The following ASTN2 variants were observed in gnomAD, a reference collection of about 807,000 sequenced individuals.
The protein encoded by ASTN2 is astrotactin-2.
ASTN2 carries 54 observed loss-of-function variants against 139.8 expected under a neutral mutation model. That is an observed-to-expected ratio of 0.39 (90% CI 0.31 to 0.48). The LOEUF (loss-of-function observed/expected upper bound fraction) is 0.48. Among genes scored for constraint, ASTN2 ranks in the 20% least tolerant of loss-of-function variants. The pLI, the probability that ASTN2 is intolerant of heterozygous loss-of-function variation, is 0.95. For synonymous variants in ASTN2, 756 were observed against 719.5 expected, an observed-to-expected ratio of 1.05 and a Z score of -0.81; for missense variants, 1,565 against 1,725.1, an observed-to-expected ratio of 0.91 and a Z score of 1.64.
chr9:117,191,090 T>A (rs1831335676), intron 3 of ASTN2, among the ~76,000 whole-genome samples: 1 of 152,090 alleles, frequency 6.6e-6, no homozygotes, highest in African/African-American at 2.4e-5. Flanking sequence ...GAGCTAAACA[T>A]GTATCAAGAA....
At chr9:116,940,998 T>G (rs1170427333) in intron 10 of ASTN2, among the ~76,000 whole-genome samples, 1 of 152,222 alleles carries the variant, frequency 6.6e-6, no homozygotes, top group African/African-American at 2.4e-5. Flanking sequence ...TTTACAGGTT[T>G]GAAGCCTAGG....
At chr9:117,177,719 A>G (rs1830952067) in intron 3 of ASTN2, among the ~76,000 whole-genome samples, 1 of 152,212 alleles carries the variant, frequency 6.6e-6, no homozygotes, top group South Asian at 2.1e-4. Flanking sequence ...TAATTAACAT[A>G]GTAGGAGTGC....
At chr9:117,094,687 C>A (rs1320575645) in intron 5 of ASTN2, among the ~76,000 whole-genome samples, 1 of 152,130 alleles carries the variant, frequency 6.6e-6, no homozygotes, top group Non-Finnish European at 1.5e-5. Flanking sequence ...TGGAAACACT[C>A]CTCCCACGTG....
At chr9:117,413,460 G>T (rs554979278) in intron 1 of ASTN2, among the ~76,000 whole-genome samples, 58 of 152,330 alleles carry the variant, frequency 3.8e-4, no homozygotes, top group African/African-American at 1.3e-3. Context: ...AAGGCCCCGC[G>T]CCCCCAAGAG....
chr9:116,915,774 A>G (rs1193411066), intron 10 of ASTN2, among the ~76,000 whole-genome samples: 1 of 152,212 alleles, frequency 6.6e-6, no homozygotes, highest in East Asian at 1.9e-4. Flanking sequence ...GTACTTCTTC[A>G]TCTGTCTGTT....
intron 19 of ASTN2, among the ~76,000 whole-genome samples, chr9:116,510,294 T>C (rs1340045616): frequency 6.6e-6 from 1 of 152,216 alleles, no homozygotes; most frequent in Non-Finnish European, 1.5e-5. Flanking sequence ...TCTTGTCAGG[T>C]TTGTCAAAGA....
At chr9:117,339,299 C>T (rs1169885788) in intron 1 of ASTN2, among the ~76,000 whole-genome samples, 2 of 152,176 alleles carry the variant, frequency 1.3e-5, no homozygotes, top group Non-Finnish European at 1.5e-5. Flanking sequence ...TCCACGAGCG[C>T]TCTTTCCACT....
intron 3 of ASTN2, among the ~76,000 whole-genome samples, chr9:117,155,887 C>A (rs1407059291): frequency 6.6e-6 from 1 of 151,984 alleles, no homozygotes; most frequent in African/African-American, 2.4e-5. Context: ...AGTAAGGTGA[C>A]CACTAAAGTC....
chr9:116,565,257 C>CACACACAT (rs1050436372), intron 19 of ASTN2, among the ~76,000 whole-genome samples: 1 of 126,742 alleles, frequency 7.9e-6, no homozygotes, highest in African/African-American at 3.7e-5. Flanking sequence ...CACACACACA[C>CACACACAT]ATATGCCCCA....
chr9:117,019,737 G>A (rs1837818418), intron 6 of ASTN2, among the ~76,000 whole-genome samples: 1 of 152,060 alleles, frequency 6.6e-6, no homozygotes, highest in Admixed American at 6.6e-5. Flanking sequence ...TAGTCTGAAG[G>A]AGCCAGTCCC....
intron 13 of ASTN2, among the ~76,000 whole-genome samples, chr9:116,794,317 C>T (rs967266986): frequency 1.3e-5 from 2 of 152,048 alleles, no homozygotes; most frequent in South Asian, 2.1e-4. Flanking sequence ...AGGCTGGTCT[C>T]GAACTCCTGA....
chr9:116,861,526 T>C (rs1038271312), intron 11 of ASTN2, among the ~76,000 whole-genome samples: 39 of 152,204 alleles, frequency 2.6e-4, no homozygotes, highest in South Asian at 6.2e-4. Context: ...TAGGTTTCAA[T>C]GGTCTGAGGC....
chr9:117,270,744 A>G (rs1304152503), intron 2 of ASTN2, among the ~76,000 whole-genome samples: 1 of 152,228 alleles, frequency 6.6e-6, no homozygotes, highest in East Asian at 1.9e-4. Context: ...TGTTTTCAGG[A>G]TAAAATGCAA....
intron 2 of ASTN2, among the ~76,000 whole-genome samples, chr9:117,228,835 C>A (rs893306381): frequency 1.3e-5 from 2 of 151,746 alleles, no homozygotes; most frequent in African/African-American, 4.8e-5. Context: ...GCCAACATGG[C>A]AAAACCCCAT....
intron 19 of ASTN2, among the ~76,000 whole-genome samples, chr9:116,527,727 G>T (rs1390727534): frequency 6.6e-6 from 1 of 152,134 alleles, no homozygotes; most frequent in Admixed American, 6.5e-5. Context: ...GGAGGGGTTT[G>T]ATGGGAGGTG....
intron 19 of ASTN2, among the ~76,000 whole-genome samples, chr9:116,514,717 C>T (rs1417956536): frequency 6.6e-6 from 1 of 152,192 alleles, no homozygotes; most frequent in African/African-American, 2.4e-5. Context: ...CCCCCAGCCT[C>T]GCTGCTGCCT....
chr9:116,549,478 C>T (rs551293010), intron 19 of ASTN2, among the ~76,000 whole-genome samples: 10 of 152,208 alleles, frequency 6.6e-5, no homozygotes, highest in Admixed American at 2.0e-4. Context: ...GCTGGGGCCC[C>T]AGGCCCAGGG....
intron 3 of ASTN2, among the ~76,000 whole-genome samples, chr9:117,210,040 T>G (rs1025244195): frequency 7.8e-4 from 118 of 152,168 alleles, no homozygotes; most frequent in African/African-American, 2.7e-3. Flanking sequence ...CCAAAATCCA[T>G]GGAACACAGC....
intron 13 of ASTN2, among the ~76,000 whole-genome samples, chr9:116,741,018 A>G (rs1829085480): frequency 6.6e-6 from 1 of 152,016 alleles, no homozygotes; most frequent in African/African-American, 2.4e-5. Context: ...GAAATCCTAC[A>G]AAGCATTTCC....
Sources: allele counts gnomAD v4.1 joint callset (sites outside exome capture counted in the v4.1 genomes callset), GRCh38; gene constraint gnomAD v4.1.1; transcripts MANE v1.5; gene names NCBI Gene and HGNC (gene_info 2026-07-23, HGNC 2026-07-21).